Variants in MICAL3 observed in about 807,000 individuals in gnomAD.
The protein encoded by MICAL3 is [F-actin]-monooxygenase MICAL3.
Under a neutral mutation model 207.4 loss-of-function variants are expected in MICAL3, and 62 were observed. The observed-to-expected ratio is 0.30, with a 90% confidence interval of 0.24 to 0.37. The LOEUF (loss-of-function observed/expected upper bound fraction) is 0.37. Among genes scored for constraint, MICAL3 ranks in the 10% least tolerant of loss-of-function variants. MICAL3 has a pLI of 1.00. For synonymous variants in MICAL3, 1,077 were observed against 1,069.3 expected, an observed-to-expected ratio of 1.01 and a Z score of -0.14; for missense variants, 2,368 against 2,635.6, an observed-to-expected ratio of 0.90 and a Z score of 2.22.
At chr22:17,795,450 G>A (rs1313223392) in intron 29 of MICAL3, among the ~76,000 whole-genome samples, 2 of 152,224 alleles carry the variant, frequency 1.3e-5, no homozygotes, top group Non-Finnish European at 2.9e-5. Flanking sequence ...AAAGGAAGAG[G>A]CAGGCGCCTG....
At chr22:17,849,142 T>C (rs1924957979) in intron 19 of MICAL3, among the ~76,000 whole-genome samples, 1 of 152,358 alleles carries the variant, frequency 6.6e-6, no homozygotes, top group East Asian at 1.9e-4. Context: ...GCAGTGTTTG[T>C]TGAGCGACTA....
At chr22:17,855,646 C>T (rs771187476) in intron 19 of MICAL3, among the ~76,000 whole-genome samples, 70 of 152,326 alleles carry the variant, frequency 4.6e-4, no homozygotes, top group Non-Finnish European at 6.6e-4. Flanking sequence ...ATATTATTTA[C>T]AGTCAATTCG....
chr22:17,810,585 C>T (rs5992109), intron 28 of MICAL3, 118 bp downstream of exon 28: 22,511 of 773,590 alleles, frequency 0.029, 1,252 homozygotes, highest in African/African-American at 0.2. Flanking sequence ...CAGGGAGGCC[C>T]GTCTACCTCT....
Position 17,841,938 on chromosome 22 carries a change from G to A in MICAL3, c.2685C>T (p.Asn895=). 1 of 1,604,614 alleles carries A rather than the reference G, an allele frequency of 6.2e-7. No individual in the cohort carries two copies. Among genetic ancestry groups the A allele is most frequent in the Non-Finnish European group, 8.5e-7 (1 of 1,177,256 alleles). ...CAGCCTGCCTCAGGGACAGGCGGTA[G>A]TTCTCCAGCTCGATCCGCTCTGGGG... ...RGTPERIELE[N]YRLSLRQAEA... is the part of the protein sequence containing the mutation. Residue 895 remains asparagine (N), a synonymous_variant, in exon 20 of 32, where the codon AAC becomes AAT. Transcript: ENST00000441493. This position sits in a 1 kb window ranked among gnomAD's most constrained non-coding sequence, Gnocchi z 4.2.
chr22:17,829,464 C>T (rs947323114), intron 21 of MICAL3, among the ~76,000 whole-genome samples: 5 of 152,126 alleles, frequency 3.3e-5, no homozygotes, highest in African/African-American at 1.2e-4. Context: ...CCACTGCACC[C>T]GGCCGTCAAT....
At chr22:17,832,815 G>A (rs572978953) in intron 20 of MICAL3, among the ~76,000 whole-genome samples, 8 of 152,124 alleles carry the variant, frequency 5.3e-5, no homozygotes, top group Non-Finnish European at 1.0e-4. Flanking sequence ...GGGGTGGGGC[G>A]ACAGATTCCA....
At chr22:17,864,734 C>T (rs747537323) in intron 19 of MICAL3, 165 bp downstream of exon 19, 81 of 1,613,472 alleles carry the variant, frequency 5.0e-5, no homozygotes, top group Non-Finnish European at 6.4e-5. Context: ...AAGGGGACTC[C>T]GAACGCAAGC....
At chr22:18,021,813 T>A (rs1365061627) in intron 1 of MICAL3, among the ~76,000 whole-genome samples, 1 of 152,178 alleles carries the variant, frequency 6.6e-6, no homozygotes, top group Non-Finnish European at 1.5e-5. Context: ...CCACATTGGG[T>A]GGGTTGTGTA....
intron 19 of MICAL3, chr22:17,864,688 C>G: frequency 6.2e-7 from 1 of 1,611,068 alleles, no homozygotes; most frequent in Non-Finnish European, 8.5e-7. Context: ...GAACTCCCCT[C>G]TGATTTGCAC....
intron 1 of MICAL3, among the ~76,000 whole-genome samples, chr22:17,987,054 A>C (rs912131890): frequency 1.2e-4 from 18 of 152,030 alleles, no homozygotes; most frequent in Non-Finnish European, 1.5e-5. Context: ...CCTGGGCAAC[A>C]CAGCGAGACC....
intron 1 of MICAL3, chr22:18,019,517 A>C (rs943039613): frequency 2.0e-5 from 3 of 152,140 alleles, no homozygotes; most frequent in African/African-American, 7.2e-5. Context: ...CAACGTGGCG[A>C]AACCCTGTCT....
chr22:17,904,077 C>A (rs1931535756), intron 3 of MICAL3, among the ~76,000 whole-genome samples: 1 of 152,252 alleles, frequency 6.6e-6, no homozygotes, highest in Non-Finnish European at 1.5e-5. Context: ...AGCTTGCAGA[C>A]CGCACAAGAA....
intron 5 of MICAL3, 121 bp downstream of exon 5, chr22:17,901,757 G>T: frequency 1.6e-6 from 1 of 637,756 alleles, no homozygotes; most frequent in Non-Finnish European, 2.7e-6. Flanking sequence ...CATCAGGGCA[G>T]GAAGCACACA....
chr22:17,925,720 C>T (rs1428484744), intron 1 of MICAL3, among the ~76,000 whole-genome samples: 1 of 152,070 alleles, frequency 6.6e-6, no homozygotes, highest in African/African-American at 2.4e-5. Context: ...ATGAAGAACC[C>T]GTTCATCTGT....
intron 1 of MICAL3, among the ~76,000 whole-genome samples, chr22:17,967,613 T>C (rs575815881): frequency 1.1e-3 from 171 of 152,088 alleles, no homozygotes; most frequent in Non-Finnish European, 1.8e-3. Context: ...GTACATATTA[T>C]AATAAAAATG....
rs541816796 is a variant in MICAL3 at position 17,943,578 on chromosome 22, C to CCCTCCTTA, written c.-74-36700_-74-36693dup. ...AAAGGCTTTTTCCTGATGTGAGAAG[C>CCCTCCTTA]CCTCCTTACTCAAGGTGCCCAAGGC... is the stretch of plus-strand genomic sequence containing the variant. On this transcript the variant is annotated intron_variant, in intron 1 of 31. Transcript: ENST00000441493. 5.9e-5 allele frequency among the ~76,000 whole-genome samples: 9 copies of CCCTCCTTA among 152,326 alleles called. No homozygotes were observed. In the East Asian group the frequency reaches 1.7e-3, roughly 29 times the overall value.
chr22:17,801,872 C>T (rs1264521840), intron 29 of MICAL3, among the ~76,000 whole-genome samples: 2 of 151,518 alleles, frequency 1.3e-5, no homozygotes, highest in African/African-American at 4.9e-5. Context: ...CCAGCCTGGG[C>T]GACAGAGCGA....
chr22:17,861,258 T>C (rs562710055), intron 19 of MICAL3: 317 of 985,318 alleles, frequency 3.2e-4, no homozygotes, highest in Middle Eastern at 5.2e-4. Flanking sequence ...TAAAGGCCCA[T>C]TCAGGATCCG....
At chr22:17,921,830 G>A (rs937665054) in intron 1 of MICAL3, among the ~76,000 whole-genome samples, 2 of 152,006 alleles carry the variant, frequency 1.3e-5, no homozygotes, top group Non-Finnish European at 2.9e-5. Flanking sequence ...CATCCTCCAC[G>A]AGTGCCAGAG....
Sources: gnomAD v4.1 joint callset for allele counts (sites outside exome capture counted in the v4.1 genomes callset) on GRCh38, gnomAD v4.1.1 for gene constraint, Gnocchi (gnomAD v3.1) non-coding constraint, MANE v1.5 for transcripts, NCBI Gene and HGNC (gene_info 2026-07-23, HGNC 2026-07-21) for gene names.